ELL2: variants seen among roughly 807,000 people sequenced by gnomAD.
ELL2 encodes the protein elongation factor for RNA polymerase II 2.
In ELL2, 21 loss-of-function variants were observed where a neutral mutation model predicts 72.8. The observed-to-expected ratio is 0.29, with a 90% confidence interval of 0.20 to 0.42. The LOEUF is 0.42. Among genes scored for constraint, ELL2 ranks in the 10% least tolerant of loss-of-function variants. The probability of loss-of-function intolerance (pLI) is 1.00; values close to 1 mark genes in which losing one functional copy is unlikely to be tolerated. For synonymous variants in ELL2, 266 were observed against 283.2 expected, an observed-to-expected ratio of 0.94 and a Z score of 0.61; for missense variants, 568 against 772.8, an observed-to-expected ratio of 0.73 and a Z score of 3.14.
At chr5:95,926,681 C>T (rs1271001014) in intron 2 of ELL2, among the ~76,000 whole-genome samples, 1 of 152,164 alleles carries the variant, frequency 6.6e-6, no homozygotes, top group African/African-American at 2.4e-5. Context: ...CAGCCTAATA[C>T]TGAGATTTCC....
At chr5:95,953,604 CT>C (rs1346462988) in intron 1 of ELL2, among the ~76,000 whole-genome samples, 2 of 152,190 alleles carry the variant, frequency 1.3e-5, no homozygotes, top group Non-Finnish European at 2.9e-5. Flanking sequence ...GGTTATCTCC[CT>C]GGATCAAGAA....
chr5:95,956,203 C>G (rs1201434800), intron 1 of ELL2, among the ~76,000 whole-genome samples: 1 of 152,176 alleles, frequency 6.6e-6, no homozygotes, highest in African/African-American at 2.4e-5. Context: ...TGGTGCCAAG[C>G]TTCCCTGTCT....
chr5:95,904,794 T>G (rs536261119), intron 5 of ELL2, among the ~76,000 whole-genome samples: 3 of 152,344 alleles, frequency 2.0e-5, no homozygotes, highest in Admixed American at 1.3e-4. Flanking sequence ...TATTTTTTTT[T>G]GTTAGCTGCT....
chr5:95,923,316 A>T (rs1173495096), intron 2 of ELL2, among the ~76,000 whole-genome samples: 1 of 151,948 alleles, frequency 6.6e-6, no homozygotes, highest in Non-Finnish European at 1.5e-5. Context: ...TGTTCTTATC[A>T]TATGCCACAC....
At chr5:95,910,320 T>A (rs1284971074) in intron 4 of ELL2, among the ~76,000 whole-genome samples, 1 of 152,124 alleles carries the variant, frequency 6.6e-6, no homozygotes, top group Non-Finnish European at 1.5e-5. Context: ...AGAAATTAGA[T>A]TGGTTATTTT....
At chr5:95,946,840 G>C (rs944552648) in intron 1 of ELL2, among the ~76,000 whole-genome samples, 75 of 152,220 alleles carry the variant, frequency 4.9e-4, no homozygotes, top group African/African-American at 1.8e-3. Flanking sequence ...CCTTCCTTTG[G>C]ATAAACCAGA....
At chr5:95,894,253 A>T (rs1032479496) in intron 9 of ELL2, among the ~76,000 whole-genome samples, 1 of 152,236 alleles carries the variant, frequency 6.6e-6, no homozygotes, top group Non-Finnish European at 1.5e-5. Flanking sequence ...AAACAAAAAA[A>T]GGGGGGATTA....
chr5:95,961,626 C>A lies in ELL2; in HGVS notation c.96G>T (p.Val32=), dbSNP rs369265927. 1.4e-5 allele frequency: 22 copies of A among 1,608,938 alleles called. No homozygotes were observed. The East Asian group carries it at 5.0e-4, about 36-fold the overall frequency. ...LGQDNITVLH[V]KLTETAIRAL... ...CCCGGATCGCCGTCTCGGTGAGCTT[C>A]ACATGCAGTACGGTGATGTTGTCCT... The change falls in exon 1 of 12, where the codon GTG becomes GTT. Residue 32 remains valine, a synonymous_variant. Transcript: ENST00000237853.
chr5:95,894,046 T>C (rs1304210394), intron 9 of ELL2, among the ~76,000 whole-genome samples: 1 of 151,696 alleles, frequency 6.6e-6, no homozygotes, highest in South Asian at 2.1e-4. Flanking sequence ...AGGTCAGGAG[T>C]TCGAGACTAG....
At chr5:95,940,308 A>G (rs533458760) in intron 2 of ELL2, among the ~76,000 whole-genome samples, 2 of 152,354 alleles carry the variant, frequency 1.3e-5, no homozygotes, top group African/African-American at 2.4e-5. Context: ...GCATATTGCT[A>G]TACTTTAATA....
In ELL2 at chr5:95,911,445, C is replaced by T. The variant is rs529219277; in HGVS notation, c.481+2326G>A. On this transcript the variant is annotated intron_variant, in intron 4 of 11. Transcript: ENST00000237853. ...CTCCACCTCCCGGATTCAAGCGATA[C>T]TCCTGCCTCAGCTTCCCGCTTAGCT... is the stretch of plus-strand genomic sequence containing the variant. 8.5e-5 allele frequency among the ~76,000 whole-genome samples: 13 copies of T among 152,210 alleles called. 1 individual carries two copies. In the South Asian group the frequency reaches 2.1e-3, roughly 24 times the overall value.
intron 10 of ELL2, among the ~76,000 whole-genome samples, chr5:95,890,020 T>G (rs1484781904): frequency 6.6e-6 from 1 of 152,174 alleles, no homozygotes. Context: ...ATTTTATGGA[T>G]GGGGAATTCA....
chr5:95,911,795 G>C (rs1011390351), intron 4 of ELL2, among the ~76,000 whole-genome samples: 9 of 152,200 alleles, frequency 5.9e-5, no homozygotes, highest in African/African-American at 2.2e-4. Flanking sequence ...ATTTGACCTA[G>C]AGAATAAAAG....
In ELL2 at chr5:95,888,218, AC is replaced by A. The variant is rs1457218462; in HGVS notation, c.*652del. 6.6e-6 allele frequency: 1 copy of A among 152,638 alleles called. No individual in the cohort carries two copies. Among genetic ancestry groups the A allele is most frequent in the African/African-American group, 2.4e-5 (1 of 41,434 alleles). 9.5% of individuals were successfully genotyped at this position (152,638 alleles called of 1,614,324 possible). A position where few individuals can be genotyped will look rare whatever the true frequency, so the allele number is the denominator to read the frequency against. On this transcript the variant is annotated 3_prime_UTR_variant, in exon 12 of 12. Coordinates refer to ENST00000237853, the MANE Select transcript of ELL2 (RefSeq NM_012081.6). The stretch of plus-strand genomic sequence containing the variant: ...AATGATTAACCACACTATGTACACA[AC>A]TAGCAAACACCTTAAGGCAACCATT...
chr5:95,908,700 C>T (rs904013110), intron 4 of ELL2, among the ~76,000 whole-genome samples: 4 of 152,138 alleles, frequency 2.6e-5, no homozygotes, highest in Admixed American at 2.0e-4. Context: ...GTTGCAACAG[C>T]GTTAACAAAC....
chr5:95,911,582 G>A (rs760603902), intron 4 of ELL2, among the ~76,000 whole-genome samples: 1 of 152,170 alleles, frequency 6.6e-6, no homozygotes, highest in African/African-American at 2.4e-5. Context: ...TCTTGACCTC[G>A]TGATCTGCCC....
chr5:95,943,222 A>C (rs1285957477), intron 1 of ELL2, among the ~76,000 whole-genome samples, 173 bp from the exon 2 acceptor site: 1 of 151,660 alleles, frequency 6.6e-6, no homozygotes, highest in Non-Finnish European at 1.5e-5. Flanking sequence ...GGAGTTCAAG[A>C]CCAGCCTGGG....
Position 95,888,710 on chromosome 5 carries a change from A to C in ELL2, c.*161T>G. 2.0e-6 allele frequency: 1 copy of C among 492,444 alleles called. No individual in the cohort carries two copies. Among genetic ancestry groups the C allele is most frequent in the Admixed American group, 4.1e-5 (1 of 24,642 alleles). The allele number at this position is 492,444 out of a possible 1,614,324, so 30.5% of individuals were successfully genotyped here. A position where few individuals can be genotyped will look rare whatever the true frequency, so the allele number is the denominator to read the frequency against. ...ACCAGAAAGAGCAGCTTCGAAATGC[A>C]GGGAAGCAAAGTAAAATGGAAAAGA... On this transcript the variant is annotated 3_prime_UTR_variant, in exon 12 of 12. Transcript: ENST00000237853.
chr5:95,924,870 T>C (rs1750229641), intron 2 of ELL2, among the ~76,000 whole-genome samples: 1 of 152,224 alleles, frequency 6.6e-6, no homozygotes, highest in Non-Finnish European at 1.5e-5. Flanking sequence ...AGCTCAGGCA[T>C]GTGGCAACAG....
Sources: gnomAD v4.1 joint callset for allele counts (sites outside exome capture counted in the v4.1 genomes callset) on GRCh38, gnomAD v4.1.1 for gene constraint, MANE v1.5 for transcripts, NCBI Gene and HGNC (gene_info 2026-07-23, HGNC 2026-07-21) for gene names.